The following RGS7 variants were observed in gnomAD, a reference collection of about 807,000 sequenced individuals.
The protein encoded by RGS7 is regulator of G protein signaling 7.
A neutral mutation model predicts 81.1 loss-of-function variants in RGS7; 27 were observed. That is an observed-to-expected ratio of 0.33 (90% confidence interval 0.25 to 0.46). The LOEUF is 0.46. RGS7 is among the 20% of genes least tolerant of loss of function. The probability of loss-of-function intolerance (pLI) is 1.00; values close to 1 mark genes in which losing one functional copy is unlikely to be tolerated. For missense variants in RGS7, 396 were observed against 607.4 expected, an observed-to-expected ratio of 0.65 and a Z score of 3.66; for synonymous variants, 208 against 207.7, an observed-to-expected ratio of 1.00 and a Z score of -0.01.
chr1:241,185,868 G>A (rs989289223), intron 2 of RGS7, among the ~76,000 whole-genome samples: 2 of 152,042 alleles, frequency 1.3e-5, no homozygotes, highest in African/African-American at 4.8e-5. Flanking sequence ...ACCACCAAAT[G>A]CCTAAATTTT....
intron 2 of RGS7, among the ~76,000 whole-genome samples, chr1:241,128,728 T>G (rs1485750307): frequency 7.4e-6 from 1 of 135,900 alleles, no homozygotes; most frequent in African/African-American, 2.8e-5. Flanking sequence ...TAAAGCAACT[T>G]CCCAGAAATT....
At position 241,144,926 on chromosome 1, in the gene RGS7, GGTGTGTGTGTGTGTGTGTGT is replaced by G. The variant is rs58610723; in HGVS notation, c.79-46184_79-46165del. 3.5e-5 allele frequency among the ~76,000 whole-genome samples: 5 copies of G among 141,904 alleles called. No individual in the cohort carries two copies. The highest frequency in any genetic ancestry group is 6.9e-5 in the Admixed American group (1 of 14,432). 93.1% of individuals were successfully genotyped at this position (141,904 alleles called of 152,430 possible). On this transcript the variant is annotated intron_variant, in intron 2 of 18. Coordinates refer to ENST00000440928, the MANE Select transcript of RGS7 (RefSeq NM_001364886.1). This position sits in a 1 kb window ranked among gnomAD's most constrained non-coding sequence, Gnocchi z 4.7. ...TCAGTATGTGTTGGCAGGGCAGGATGGTGTGTGTGTGTGTGTGTGTGTGTGTGTGTGTGTGTGTTCGTGTT... is the reference window on the plus strand; with the variant it reads ...TCAGTATGTGTTGGCAGGGCAGGATGGTGTGTGTGTGTGTGTGTTCGTGTT...
intron 9 of RGS7, among the ~76,000 whole-genome samples, chr1:240,859,852 A>G (rs1012818016): frequency 2.6e-5 from 4 of 152,062 alleles, no homozygotes; most frequent in African/African-American, 9.7e-5. Flanking sequence ...AATGCTATAA[A>G]TTTCTCTCTA....
intron 2 of RGS7, among the ~76,000 whole-genome samples, chr1:241,213,626 C>T (rs1196057471): frequency 6.6e-6 from 1 of 152,174 alleles, no homozygotes; most frequent in East Asian, 1.9e-4. Context: ...AATGTAAGAA[C>T]TTCTTACAGT....
intron 2 of RGS7, among the ~76,000 whole-genome samples, chr1:241,319,025 A>G (rs1272876788): frequency 6.6e-6 from 1 of 152,218 alleles, no homozygotes; most frequent in African/African-American, 2.4e-5. Flanking sequence ...GTGATTTTTC[A>G]AATGTTTCAC....
intron 2 of RGS7, among the ~76,000 whole-genome samples, chr1:241,187,324 A>T (rs1363403150): frequency 6.6e-6 from 1 of 152,162 alleles, no homozygotes; most frequent in African/African-American, 2.4e-5. Context: ...ATAGCTCTCC[A>T]TTTATAGATG....
intron 2 of RGS7, among the ~76,000 whole-genome samples, chr1:241,283,973 T>C (rs929598688): frequency 6.6e-6 from 1 of 152,232 alleles, no homozygotes; most frequent in Admixed American, 6.5e-5. Context: ...TGGTTCTTTT[T>C]TGTACCTTAT....
At chr1:240,830,549 G>A (rs1425099043) in intron 9 of RGS7, among the ~76,000 whole-genome samples, 1 of 152,166 alleles carries the variant, frequency 6.6e-6, no homozygotes, top group African/African-American at 2.4e-5. Context: ...CGAGAAAACT[G>A]AAAATGTAAT....
At chr1:241,091,199 C>T (rs2063847065) in intron 3 of RGS7, among the ~76,000 whole-genome samples, 1 of 151,998 alleles carries the variant, frequency 6.6e-6, no homozygotes, top group South Asian at 2.1e-4. Flanking sequence ...AGAAGGTTTC[C>T]AAATTACTAA....
intron 2 of RGS7, among the ~76,000 whole-genome samples, chr1:241,263,818 C>A (rs1467209729): frequency 3.3e-5 from 5 of 152,124 alleles, no homozygotes; most frequent in Non-Finnish European, 7.3e-5. Context: ...TGTTGCATAT[C>A]CTGACATTGC....
chr1:241,064,328 G>A (rs2502409), intron 3 of RGS7, among the ~76,000 whole-genome samples: 137,447 of 151,232 alleles, frequency 0.91, 62,964 homozygotes, highest in East Asian at 0.99. Flanking sequence ...GCTCCCATCG[G>A]TAATCCCAGC....
chr1:240,895,200 C>T (rs940758289), intron 6 of RGS7, among the ~76,000 whole-genome samples: 3 of 152,206 alleles, frequency 2.0e-5, no homozygotes, highest in African/African-American at 7.2e-5. Context: ...CAAGAAGATG[C>T]CAGCACGATG....
chr1:241,278,472 G>A (rs963634058), intron 2 of RGS7, among the ~76,000 whole-genome samples: 3 of 152,042 alleles, frequency 2.0e-5, no homozygotes, highest in Admixed American at 2.0e-4. Flanking sequence ...GTCTTTGCAC[G>A]AAGTGAGTTG....
At chr1:241,153,231 A>G (rs2103142743) in intron 2 of RGS7, among the ~76,000 whole-genome samples, 1 of 152,278 alleles carries the variant, frequency 6.6e-6, no homozygotes, top group East Asian at 1.9e-4. Flanking sequence ...AGCATCATGG[A>G]GAGTCACATT....
chr1:241,062,716 T>C (rs2148838208), intron 3 of RGS7, among the ~76,000 whole-genome samples: 1 of 152,286 alleles, frequency 6.6e-6, no homozygotes, highest in East Asian at 1.9e-4. Flanking sequence ...CTATAAATAC[T>C]AAAGTGTGCT....
At chr1:240,890,979 C>T (rs1166463998) in intron 6 of RGS7, among the ~76,000 whole-genome samples, 8 of 152,098 alleles carry the variant, frequency 5.3e-5, no homozygotes, top group Non-Finnish European at 8.8e-5. Flanking sequence ...AAGAGGCCTA[C>T]GATATTCTTG....
chr1:241,201,991 C>T (rs1455561118), intron 2 of RGS7, among the ~76,000 whole-genome samples: 1 of 140,570 alleles, frequency 7.1e-6, no homozygotes, highest in East Asian at 2.1e-4. Flanking sequence ...CTCAACCCTG[C>T]AAACACACAG....
At chr1:240,814,011 A>C (rs2103108303) in intron 12 of RGS7, among the ~76,000 whole-genome samples, 1 of 152,336 alleles carries the variant, frequency 6.6e-6, no homozygotes, top group Middle Eastern at 3.4e-3. Flanking sequence ...TCAGTGTGTG[A>C]AGGGCACCGC....
intron 2 of RGS7, among the ~76,000 whole-genome samples, chr1:241,339,280 G>A (rs2082406079): frequency 6.6e-6 from 1 of 152,174 alleles, no homozygotes; most frequent in Non-Finnish European, 1.5e-5. Context: ...TCTTTATCCA[G>A]TCTATCACTG....
Sources: gnomAD v4.1 joint callset for allele counts (sites outside exome capture counted in the v4.1 genomes callset) on GRCh38, gnomAD v4.1.1 for gene constraint, Gnocchi (gnomAD v3.1) non-coding constraint, MANE v1.5 for transcripts, NCBI Gene and HGNC (gene_info 2026-07-23, HGNC 2026-07-21) for gene names.